DCAF8L2: variants seen among roughly 807,000 people sequenced by gnomAD.
DCAF8L2 encodes the protein DDB1- and CUL4-associated factor 8-like protein 2.
For synonymous variants in DCAF8L2, 200 were observed against 190.9 expected, an observed-to-expected ratio of 1.05 and a Z score of -0.39; for missense variants, 430 against 490.7, an observed-to-expected ratio of 0.88 and a Z score of 1.17.
chrX:27,606,341 T>TATA (rs766199354), intron 1 of DCAF8L2, among the ~76,000 whole-genome samples: 82 of 42,919 alleles, frequency 1.9e-3, no homozygotes, highest in Non-Finnish European at 2.7e-3. Flanking sequence ...TATATAGGAA[T>TATA]TATATATATA....
the DCAF8L2 span, among the ~76,000 whole-genome samples, chrX:27,557,910 A>C: frequency 9.0e-6 from 1 of 111,422 alleles, no homozygotes; most frequent in Non-Finnish European, 1.9e-5. Context: ...CATCTCTAAG[A>C]GGAACTTAGA....
intron 1 of DCAF8L2, among the ~76,000 whole-genome samples, chrX:27,620,818 T>C (rs1180261470): frequency 8.9e-6 from 1 of 111,970 alleles, no homozygotes; most frequent in Non-Finnish European, 1.9e-5. Context: ...CATTTCTAGA[T>C]ATGTACCCCA....
At chrX:27,566,243 G>A in the DCAF8L2 span, among the ~76,000 whole-genome samples, 1 of 110,706 alleles carries the variant, frequency 9.0e-6, no homozygotes, top group Non-Finnish European at 1.9e-5. Flanking sequence ...TTTTATGTTG[G>A]ACCTTGCCTC....
chrX:27,639,605 G>A (rs1025296124), intron 2 of DCAF8L2, among the ~76,000 whole-genome samples: 20 of 111,417 alleles, frequency 1.8e-4, no homozygotes, highest in African/African-American at 9.8e-5. Flanking sequence ...ATAATTACAG[G>A]TTACATAGTA....
intron 2 of DCAF8L2, among the ~76,000 whole-genome samples, chrX:27,672,276 T>G (rs910441740): frequency 1.8e-5 from 2 of 111,944 alleles, no homozygotes; most frequent in Admixed American, 1.9e-4. Context: ...ACTGAGGTAA[T>G]GCCAAGCACA....
Position 27,725,062 on chromosome X carries a change from A to G in DCAF8L2, c.-59+8891A>G, listed in dbSNP as rs1932024953. Among the ~76,000 whole-genome samples, 3 of 110,247 alleles carry G rather than the reference A, an allele frequency of 2.7e-5. No homozygotes were observed. The South Asian group carries it at 1.1e-3, about 41-fold the overall frequency. On this transcript the variant is annotated intron_variant, in intron 4 of 4. Coordinates refer to ENST00000451261, the MANE Select transcript of DCAF8L2 (RefSeq NM_001353450.2). ...ATATCAAGTATTGCATCCAGATTTC[A>G]TGTTGGCAATTCCATATTTATAAAT...
the DCAF8L2 span, among the ~76,000 whole-genome samples, chrX:27,575,466 C>A: frequency 3.6e-5 from 4 of 111,080 alleles, no homozygotes; most frequent in Admixed American, 2.9e-4. Flanking sequence ...AGGGACTATG[C>A]CTTCCTCTAC....
intron 3 of DCAF8L2, among the ~76,000 whole-genome samples, chrX:27,689,065 C>A (rs1930613506): frequency 8.9e-6 from 1 of 112,117 alleles, no homozygotes; most frequent in Admixed American, 9.5e-5. Flanking sequence ...AAGTGTTTTG[C>A]TATGATTCTA....
At chrX:27,509,692 T>A in the DCAF8L2 span, among the ~76,000 whole-genome samples, 2 of 111,862 alleles carry the variant, frequency 1.8e-5, no homozygotes, top group Admixed American at 1.9e-4. Context: ...ATCACCATGA[T>A]AAGATTTACT....
the DCAF8L2 span, among the ~76,000 whole-genome samples, chrX:27,488,260 C>G: frequency 9.1e-6 from 1 of 110,186 alleles, no homozygotes; most frequent in Admixed American, 9.8e-5. Flanking sequence ...ATTGAAAATT[C>G]CTTCATATTC....
chrX:27,514,252 CATATATGTGTGCATATGTGCACAT>C, the DCAF8L2 span, among the ~76,000 whole-genome samples: 1 of 107,418 alleles, frequency 9.3e-6, no homozygotes, highest in Admixed American at 1.0e-4. Flanking sequence ...CACATATGTA[CATATATGTGTGCATATGTGCACAT>C]ATGTACATAT....
chrX:27,717,455 G>A (rs1435412075), intron 4 of DCAF8L2, among the ~76,000 whole-genome samples: 2 of 112,319 alleles, frequency 1.8e-5, no homozygotes, highest in Non-Finnish European at 3.8e-5. Context: ...TCTCATTGTG[G>A]TTTTGATTTA....
chrX:27,512,085 ACT>A, the DCAF8L2 span, among the ~76,000 whole-genome samples: 1 of 107,415 alleles, frequency 9.3e-6, no homozygotes, highest in Admixed American at 1.0e-4. Flanking sequence ...GCAACATGAG[ACT>A]CTGCTTCCAC....
chrX:27,632,316 GC>G (rs1928321549), intron 2 of DCAF8L2: 1 of 111,192 alleles, frequency 9.0e-6, no homozygotes, highest in South Asian at 3.7e-4. Flanking sequence ...GTCCTATTTT[GC>G]CATTTTGCTG....
intron 4 of DCAF8L2, among the ~76,000 whole-genome samples, chrX:27,745,519 T>C (rs1391066648): frequency 8.9e-6 from 1 of 112,355 alleles, no homozygotes; most frequent in African/African-American, 3.2e-5. Flanking sequence ...GATGGGCTTT[T>C]CAGTGGTTTT....
chrX:27,494,780 T>C, the DCAF8L2 span, among the ~76,000 whole-genome samples: 1 of 112,289 alleles, frequency 8.9e-6, no homozygotes, highest in African/African-American at 3.2e-5. Flanking sequence ...CATACAGTTT[T>C]AGTTCTGTTC....
At chrX:27,679,833 G>T (rs940982213) in intron 3 of DCAF8L2, among the ~76,000 whole-genome samples, 26 of 111,604 alleles carry the variant, frequency 2.3e-4, no homozygotes, top group African/African-American at 8.4e-4. Flanking sequence ...CCTTAGACCA[G>T]CTAGAGTGGC....
chrX:27,515,279 A>G, the DCAF8L2 span, among the ~76,000 whole-genome samples: 17 of 112,556 alleles, frequency 1.5e-4, no homozygotes, highest in South Asian at 2.9e-3. Context: ...GTCAAAGCCT[A>G]CTGGGATTTA....
At chrX:27,532,835 C>T in the DCAF8L2 span, among the ~76,000 whole-genome samples, 1 of 106,307 alleles carries the variant, frequency 9.4e-6, no homozygotes, top group East Asian at 2.9e-4. Flanking sequence ...CAGCACTTTG[C>T]GGGGCTGAAG....
Sources: gnomAD v4.1 joint callset for allele counts (sites outside exome capture counted in the v4.1 genomes callset) on GRCh38, gnomAD v4.1.1 for gene constraint, MANE v1.5 for transcripts, NCBI Gene and HGNC (gene_info 2026-07-23, HGNC 2026-07-21) for gene names.